Variants in N4BP2L2 observed in about 807,000 individuals in gnomAD.
N4BP2L2 encodes NEDD4-binding protein 2-like 2.
Under a neutral mutation model 56.2 loss-of-function variants are expected in N4BP2L2, and 50 were observed. The ratio of observed to expected loss-of-function variants is 0.89; its 90% CI spans 0.71 to 1.13. The LOEUF (loss-of-function observed/expected upper bound fraction) is 1.13, where lower values mean the gene tolerates loss of function less well. Ranked by LOEUF, N4BP2L2 falls within the 50% of genes most tolerant of loss-of-function variation. The pLI, the probability that N4BP2L2 is intolerant of heterozygous loss-of-function variation, is 0.00. For synonymous variants in N4BP2L2, 203 were observed against 223.6 expected, an observed-to-expected ratio of 0.91 and a Z score of 0.82; for missense variants, 689 against 693.8, an observed-to-expected ratio of 0.99 and a Z score of 0.08.
chr13:32,535,812 G>C (rs775628885), exon 2 of N4BP2L2: 2 of 1,614,042 alleles, frequency 1.2e-6, no homozygotes, highest in Non-Finnish European at 1.7e-6. Context: ...CCTCTTAAAA[G>C]AATAAGTAAC....
At chr13:32,433,145 C>T (rs912363333) in intron 9 of N4BP2L2, among the ~76,000 whole-genome samples, 1 of 152,230 alleles carries the variant, frequency 6.6e-6, no homozygotes, top group African/African-American at 2.4e-5. Context: ...AGCCTGTTCC[C>T]TGACATTTCC....
chr13:32,440,562 G>C (rs2076157261), intron 7 of N4BP2L2, among the ~76,000 whole-genome samples: 1 of 152,100 alleles, frequency 6.6e-6, no homozygotes, highest in African/African-American at 2.4e-5. Flanking sequence ...CGCCTCCCAG[G>C]TTCAAGCAAT....
chr13:32,459,956 C>A (rs570784660), intron 6 of N4BP2L2, among the ~76,000 whole-genome samples: 1 of 152,090 alleles, frequency 6.6e-6, no homozygotes, highest in Non-Finnish European at 1.5e-5. Context: ...GGATAATACA[C>A]TATAAGCAAG....
intron 6 of N4BP2L2, chr13:32,504,800 T>C (rs1024298265): frequency 3.9e-5 from 6 of 152,226 alleles, no homozygotes; most frequent in Admixed American, 6.5e-5. Context: ...TTCTCCAGCA[T>C]GAACCTGTGA....
intron 7 of N4BP2L2, among the ~76,000 whole-genome samples, chr13:32,441,755 AAGGTTTGG>A (rs1306679632): frequency 6.9e-6 from 1 of 145,574 alleles, no homozygotes; most frequent in Non-Finnish European, 1.5e-5. Flanking sequence ...AGAAAGTAGA[AAGGTTTGG>A]CCGGGCGCGG....
intron 8 of N4BP2L2, among the ~76,000 whole-genome samples, chr13:32,436,556 G>A (rs1197814922): frequency 1.3e-5 from 2 of 151,976 alleles, no homozygotes; most frequent in Non-Finnish European, 2.9e-5. Flanking sequence ...TTGGGAGGCC[G>A]AGGTGGGTGG....
At chr13:32,496,043 G>A (rs1216166443) in intron 6 of N4BP2L2, among the ~76,000 whole-genome samples, 3 of 152,266 alleles carry the variant, frequency 2.0e-5, no homozygotes, top group Middle Eastern at 3.4e-3. Context: ...TTGCCTTCAT[G>A]TGGTTGGTTA....
intron 6 of N4BP2L2, among the ~76,000 whole-genome samples, chr13:32,467,261 A>ATTT (rs111268635): frequency 7.0e-6 from 1 of 142,288 alleles, no homozygotes; most frequent in African/African-American, 2.5e-5. Context: ...AGAGAGGGGC[A>ATTT]TTTTTTTTTT....
At chr13:32,467,800 A>G (rs928254539) in intron 6 of N4BP2L2, among the ~76,000 whole-genome samples, 3 of 151,252 alleles carry the variant, frequency 2.0e-5, no homozygotes, top group Non-Finnish European at 4.4e-5. Context: ...GACCAGCCTG[A>G]CCAACATAGC....
At chr13:32,482,966 T>C (rs2085092510) in intron 6 of N4BP2L2, among the ~76,000 whole-genome samples, 1 of 152,236 alleles carries the variant, frequency 6.6e-6, no homozygotes, top group Non-Finnish European at 1.5e-5. Context: ...TTCAGACTTT[T>C]TAAATTCTAG....
At chr13:32,498,801 A>G (rs1218254692) in intron 6 of N4BP2L2, among the ~76,000 whole-genome samples, 1 of 150,894 alleles carries the variant, frequency 6.6e-6, no homozygotes, top group African/African-American at 2.4e-5. Flanking sequence ...TCAGGAGTTC[A>G]AGATCAGCCT....
intron 6 of N4BP2L2, among the ~76,000 whole-genome samples, chr13:32,447,795 T>C (rs2138395901): frequency 6.6e-6 from 1 of 151,564 alleles, no homozygotes; most frequent in Non-Finnish European, 1.5e-5. Flanking sequence ...GCTAATGTCT[T>C]TTTTTCGTTG....
At chr13:32,504,017 A>G (rs1345251512) in intron 6 of N4BP2L2, among the ~76,000 whole-genome samples, 2 of 152,220 alleles carry the variant, frequency 1.3e-5, no homozygotes, top group African/African-American at 4.8e-5. Context: ...ATAAATAAAT[A>G]AAAAAGAGTC....
Position 32,443,232 on chromosome 13 carries a change from TG to T in N4BP2L2, c.1259del (p.Pro420GlnfsTer4). The stretch of plus-strand genomic sequence containing the variant: ...TCAGTAGTTTGTCTGTCAATATTTC[TG>T]GATTGTTTCCTGGTTCTGATGCTGC... On this transcript the variant is annotated frameshift_variant, in exon 7 of 10. Transcript: ENST00000357505. LOFTEE classifies it high-confidence loss of function. The T allele has an allele frequency of 6.2e-7, 1 of 1,614,000 alleles. No homozygotes were observed. Among genetic ancestry groups the T allele is most frequent in the South Asian group, 1.1e-5 (1 of 91,070 alleles).
At chr13:32,451,465 T>C (rs1593476673) in intron 6 of N4BP2L2, among the ~76,000 whole-genome samples, 1 of 152,092 alleles carries the variant, frequency 6.6e-6, no homozygotes, top group Non-Finnish European at 1.5e-5. Flanking sequence ...AATAACTTTA[T>C]AACAACAAAT....
At position 32,446,511 on chromosome 13, in the gene N4BP2L2, T is replaced by C. The variant is rs74047031; in HGVS notation, c.366-2385A>G. 355 of 1,304,322 alleles carry C rather than the reference T, an allele frequency of 2.7e-4. No homozygotes were observed. The African/African-American group carries it at 4.1e-3, about 15-fold the overall frequency. 80.8% of individuals were successfully genotyped at this position (1,304,322 alleles called of 1,614,324 possible). ...GCAGGGCAAGGAGAAAAAGAACAAA[T>C]AGAGTTTGTTGTTGCGTTATTCATT... is the stretch of plus-strand genomic sequence containing the variant. On this transcript the variant is annotated intron_variant, in intron 6 of 9. Coordinates refer to the N4BP2L2 transcript ENST00000357505.
intron 6 of N4BP2L2, chr13:32,480,492 G>C (rs1015406452): frequency 4.3e-5 from 26 of 598,920 alleles, no homozygotes; most frequent in African/African-American, 2.0e-5. Flanking sequence ...CATATTTAAA[G>C]TCTCTTCAAC....
rs575289219 is a variant in N4BP2L2, at chr13:32,489,425, C to T, written c.365+28432G>A. 1.6e-4 allele frequency among the ~76,000 whole-genome samples: 24 copies of T among 152,206 alleles called. 1 individual carries two copies. The South Asian group carries it at 5.0e-3, about 32-fold the overall frequency. Reference sequence around the variant, plus strand: ...AATAAACTAACTTCATTATATTTATCCTTAGCCAAATTGTTAAAAAATGTA... The same window carrying T: ...AATAAACTAACTTCATTATATTTATTCTTAGCCAAATTGTTAAAAAATGTA... On this transcript the variant is annotated intron_variant, in intron 6 of 9. Coordinates refer to the N4BP2L2 transcript ENST00000357505.
rs71071041 is a variant in N4BP2L2, at chr13:32,436,864, C to CTATTTATT, written c.2191-467_2191-460dup. On this transcript the variant is annotated intron_variant, in intron 8 of 9. Coordinates refer to the N4BP2L2 transcript ENST00000357505. ...ACACCTATAAATATCTAATATCTATCTATTTATTTATTTATTTATTTATTT... is the reference window on the plus strand; with the variant it reads ...ACACCTATAAATATCTAATATCTATCTATTTATTTATTTATTTATTTATTTATTTATTT... Among the ~76,000 whole-genome samples, 521 of 132,842 alleles carry CTATTTATT rather than the reference C, an allele frequency of 3.9e-3. 4 individuals carry two copies. The highest frequency in any genetic ancestry group is 0.012 in the Admixed American group (151 of 12,596). 87.1% of individuals were successfully genotyped at this position (132,842 alleles called of 152,430 possible). A position where few individuals can be genotyped will look rare whatever the true frequency, so the allele number is the denominator to read the frequency against.
Sources: allele counts gnomAD v4.1 joint callset (sites outside exome capture counted in the v4.1 genomes callset), GRCh38; gene constraint gnomAD v4.1.1; transcripts MANE v1.5; gene names NCBI Gene and HGNC (gene_info 2026-07-23, HGNC 2026-07-21).